Variants in CYTH4 observed in about 807,000 individuals in gnomAD.
CYTH4 encodes cytohesin 4.
Under a neutral mutation model 57.5 loss-of-function variants are expected in CYTH4, and 22 were observed. The ratio of observed to expected loss-of-function variants is 0.38; its 90% confidence interval spans 0.27 to 0.55. CYTH4 has a LOEUF of 0.55. Among genes scored for constraint, CYTH4 ranks in the 20% least tolerant of loss-of-function variants. The pLI is 0.74. For missense variants in CYTH4, 420 were observed against 535.6 expected, an observed-to-expected ratio of 0.78 and a Z score of 2.13; for synonymous variants, 186 against 206.5, an observed-to-expected ratio of 0.90 and a Z score of 0.85.
In CYTH4 at chr22:37,294,698, C is replaced by T. The variant is rs375707170; in HGVS notation, c.141C>T (p.Ile47=). The T allele has an allele frequency of 1.9e-5, 30 of 1,613,700 alleles. No individual in the cohort carries two copies. The highest frequency in any genetic ancestry group is 8.0e-5 in the African/African-American group (6 of 74,878). ...AGATTGCAGATGTGTTTGCCCAAAT[C>T]GACTGCTTCGAGAGTGCGGAGGAGA... The part of the protein sequence containing the change: ...KDEIADVFAQ[I]DCFESAEESR... Residue 47 remains isoleucine, a synonymous_variant, in exon 3 of 13, where the codon ATC becomes ATT. Coordinates refer to ENST00000248901, the MANE Select transcript of CYTH4 (RefSeq NM_013385.5).
rs139032641 is a variant in CYTH4 at position 37,300,911 on chromosome 22, T to C, written c.439T>C (p.Phe147Leu). Residue 147 changes from phenylalanine (F) to leucine (L), a missense_variant, in exon 7 of 13, where the codon TTC becomes CTC. Transcript: ENST00000248901. ...NLNLVQALRQ[F>L]LWSFRLPGEA... ...GTGGCCCCGTTTCTCCCCCAGGCAG[T>C]TCCTGTGGAGCTTCCGGCTGCCGGG... is the stretch of plus-strand genomic sequence containing the variant. The C allele has an allele frequency of 1.9e-4, 309 of 1,614,020 alleles. 1 individual carries two copies. The highest frequency in any genetic ancestry group is 1.2e-3 in the Middle Eastern group (7 of 6,062).
chr22:37,304,223 G>A (rs1929310672), intron 8 of CYTH4: 1 of 456,594 alleles, frequency 2.2e-6, no homozygotes, highest in Non-Finnish European at 4.4e-6. Context: ...ATTTCAAAAA[G>A]AAGAAGTGGC....
intron 1 of CYTH4, among the ~76,000 whole-genome samples, chr22:37,289,109 C>T (rs1928655906): frequency 6.6e-6 from 1 of 152,178 alleles, no homozygotes; most frequent in African/African-American, 2.4e-5. Flanking sequence ...ATCAGTTTGC[C>T]CCCTGGTCTT....
chr22:37,289,961 C>T (rs1380330514), intron 1 of CYTH4, among the ~76,000 whole-genome samples: 2 of 152,156 alleles, frequency 1.3e-5, no homozygotes, highest in Admixed American at 1.3e-4. Context: ...CCATTCCCCT[C>T]AGGATATAGT....
chr22:37,310,988 G>A lies in CYTH4; in HGVS notation c.809G>A (p.Gly270Glu). The A allele has an allele frequency of 6.2e-7, 1 of 1,614,176 alleles. No individual in the cohort carries two copies. Among genetic ancestry groups the A allele is most frequent in the South Asian group, 1.1e-5 (1 of 91,086 alleles). Reference protein sequence around the residue: ...PDREGWLLKLGGRVKTWKRRW... With the variant: ...PDREGWLLKLEGRVKTWKRRW... ...AGCTTGCTACATTGGCCTTGCGCAG[G>A]GGGCCGCGTGAAGACGTGGAAACGG... The change falls in exon 10 of 13, where the codon GGG becomes GAG. Residue 270 changes from glycine (G) to glutamate (E), a missense_variant and splice_region_variant. Transcript: ENST00000248901.
chr22:37,297,489 G>A (rs1929018066), intron 4 of CYTH4, 75 bp from the exon 5 acceptor site: 1 of 1,346,838 alleles, frequency 7.4e-7, no homozygotes, highest in African/African-American at 1.4e-5. Context: ...GGCCATGGAA[G>A]CTCCTTCCTC....
chr22:37,290,596 C>T (rs1313197735), intron 1 of CYTH4, among the ~76,000 whole-genome samples: 2 of 152,164 alleles, frequency 1.3e-5, no homozygotes, highest in African/African-American at 2.4e-5. Context: ...AGCTCCGCCT[C>T]CCAGGTTCAC....
At chr22:37,297,877 C>T (rs1929034535) in intron 5 of CYTH4, 195 bp downstream of exon 5, 1 of 503,194 alleles carries the variant, frequency 2.0e-6, no homozygotes, top group Non-Finnish European at 3.7e-6. Context: ...ATTTATTCAA[C>T]AAATAAATGT....
At chr22:37,299,425 G>T in intron 6 of CYTH4, 119 bp downstream of exon 6, 1 of 919,924 alleles carries the variant, frequency 1.1e-6, no homozygotes, top group Non-Finnish European at 1.7e-6. Context: ...AGAAGAGGAG[G>T]CAAGGAACAA....
In CYTH4 at chr22:37,294,730, G is replaced by C; in HGVS notation, c.167+6G>C. ...TTCGAGAGTGCGGAGGAGAGGTGAG[G>C]GGCTTGGGTGGGGACCCCCAGAAAC... On this transcript the variant is annotated splice_donor_region_variant and intron_variant, in intron 3 of 12. Transcript: ENST00000248901. 1 of 1,613,822 alleles carries C rather than the reference G, an allele frequency of 6.2e-7. No individual in the cohort carries two copies. The highest frequency in any genetic ancestry group is 8.5e-7 in the Non-Finnish European group (1 of 1,179,798).
chr22:37,308,513 CGT>C (rs1476419603), intron 8 of CYTH4, among the ~76,000 whole-genome samples: 9 of 150,136 alleles, frequency 6.0e-5, no homozygotes, highest in African/African-American at 9.8e-5. Flanking sequence ...TATGTGTGAG[CGT>C]GTGTATATGT....
chr22:37,305,566 C>T (rs1036296527), intron 8 of CYTH4, among the ~76,000 whole-genome samples: 1 of 152,144 alleles, frequency 6.6e-6, no homozygotes, highest in Non-Finnish European at 1.5e-5. Flanking sequence ...GCTAATCAAT[C>T]CTGAAGCTTC....
intron 9 of CYTH4, 51 bp from the exon 10 acceptor site, chr22:37,310,937 T>C (rs1929615206): frequency 2.5e-6 from 4 of 1,596,778 alleles, no homozygotes; most frequent in Non-Finnish European, 3.4e-6. Flanking sequence ...GGAGGAGGTG[T>C]CAGTGGCCCA....
At chr22:37,292,536 C>T (rs907399471) in intron 1 of CYTH4, 85 bp from the exon 2 acceptor site, 20 of 1,419,252 alleles carry the variant, frequency 1.4e-5, no homozygotes, top group East Asian at 2.3e-5. Flanking sequence ...CCTGGGTTTC[C>T]GGAGGGAAGG....
At chr22:37,292,733 T>C in intron 2 of CYTH4, 30 bp downstream of exon 2, 1 of 1,608,576 alleles carries the variant, frequency 6.2e-7, no homozygotes, top group South Asian at 1.1e-5. Context: ...CACACACGTG[T>C]CCATGCCCAC....
chr22:37,286,241 C>T (rs900594132), intron 1 of CYTH4, among the ~76,000 whole-genome samples: 6 of 152,212 alleles, frequency 3.9e-5, no homozygotes, highest in African/African-American at 1.4e-4. Flanking sequence ...GGAAGATCAA[C>T]ATCAGGGCTG....
chr22:37,310,828 T>C (rs1055554478), intron 9 of CYTH4, among the ~76,000 whole-genome samples, 160 bp from the exon 10 acceptor site: 1 of 152,002 alleles, frequency 6.6e-6, no homozygotes, highest in African/African-American at 2.4e-5. Context: ...AGGTTCTTGT[T>C]TGAGAAAGGG....
chr22:37,312,105 G>A lies in CYTH4; in HGVS notation c.1043G>A (p.Gly348Asp). 1 of 1,614,256 alleles carries A rather than the reference G, an allele frequency of 6.2e-7. No homozygotes were observed. The highest frequency in any genetic ancestry group is 8.5e-7 in the Non-Finnish European group (1 of 1,180,038). ...KTDGDGRVVE[G>D]KHESYRISAT... ...GATGGCGACGGCAGGGTGGTGGAGGGCAAGCACGAATCGTACCGCATCTCA... is the reference window on the plus strand; with the variant it reads ...GATGGCGACGGCAGGGTGGTGGAGGACAAGCACGAATCGTACCGCATCTCA... The change falls in exon 12 of 13, where the codon GGC (glycine) becomes GAC (aspartate). Residue 348 changes from glycine to aspartate, a missense_variant. By Grantham distance (94) the Gly-to-Asp change is moderately conservative. Coordinates refer to ENST00000248901, the MANE Select transcript of CYTH4 (RefSeq NM_013385.5).
intron 4 of CYTH4, 195 bp downstream of exon 4, chr22:37,296,260 G>A (rs577873626): frequency 9.2e-5 from 57 of 619,654 alleles, no homozygotes; most frequent in Admixed American, 3.3e-4. Flanking sequence ...AGGCATACAC[G>A]CCTTGGGGCA....
Sources: allele counts gnomAD v4.1 joint callset (sites outside exome capture counted in the v4.1 genomes callset), GRCh38; gene constraint gnomAD v4.1.1; transcripts MANE v1.5; gene names NCBI Gene and HGNC (gene_info 2026-07-23, HGNC 2026-07-21).